The following PCDHGA3 variants were observed in gnomAD, a reference collection of about 807,000 sequenced individuals.
PCDHGA3 encodes protocadherin gamma subfamily A, 3.
A neutral mutation model predicts 58.5 loss-of-function variants in PCDHGA3; 40 were observed. That is an observed-to-expected ratio of 0.68 (90% CI 0.53 to 0.89). The LOEUF (loss-of-function observed/expected upper bound fraction) is 0.89, where lower values mean the gene tolerates loss of function less well. PCDHGA3 is among the 40% of genes least tolerant of loss of function. The pLI is 0.00. For missense variants in PCDHGA3, 1,223 were observed against 1,195.9 expected, an observed-to-expected ratio of 1.02 and a Z score of -0.33; for synonymous variants, 530 against 525.7, an observed-to-expected ratio of 1.01 and a Z score of -0.11.
intron 1 of PCDHGA3, chr5:141,418,087 C>G (rs2096220274): frequency 6.2e-7 from 1 of 1,613,894 alleles, no homozygotes; most frequent in African/African-American, 1.3e-5. Context: ...TGCACTTCAG[C>G]GTAGACGCGC....
chr5:141,372,799 A>G (rs1769080872), intron 1 of PCDHGA3: 7 of 1,596,852 alleles, frequency 4.4e-6, no homozygotes, highest in Non-Finnish European at 5.1e-6. Flanking sequence ...AATTCAGGCA[A>G]TTTGCAAAAG....
intron 1 of PCDHGA3, among the ~76,000 whole-genome samples, chr5:141,460,959 A>ATG (rs1248175237): frequency 7.9e-6 from 1 of 126,082 alleles, no homozygotes; most frequent in Non-Finnish European, 1.6e-5. Flanking sequence ...ATGTATATAT[A>ATG]TATGTGTGTG....
At chr5:141,348,149 T>C (rs1561494600) in intron 1 of PCDHGA3, among the ~76,000 whole-genome samples, 1 of 152,220 alleles carries the variant, frequency 6.6e-6, no homozygotes, top group Non-Finnish European at 1.5e-5. Flanking sequence ...ATGAGAGTTA[T>C]CCAAAATTAG....
At chr5:141,370,009 A>G (rs1310003326) in intron 1 of PCDHGA3, among the ~76,000 whole-genome samples, 1 of 152,282 alleles carries the variant, frequency 6.6e-6, no homozygotes, top group Non-Finnish European at 1.5e-5. Flanking sequence ...ATTAAAAGAA[A>G]TAACAGACTA....
intron 1 of PCDHGA3, chr5:141,360,147 C>A: frequency 6.2e-7 from 1 of 1,601,092 alleles, no homozygotes; most frequent in Non-Finnish European, 8.5e-7. Flanking sequence ...TGAAAGCGAG[C>A]TCAGGGAGGT....
intron 1 of PCDHGA3, chr5:141,370,610 G>T (rs547118708): frequency 1.9e-6 from 3 of 1,613,986 alleles, no homozygotes; most frequent in Middle Eastern, 1.6e-4. Context: ...TTGCAGAGAA[G>T]AAATTCTTTA....
chr5:141,431,146 T>G lies in PCDHGA3; in HGVS notation c.2425-63661T>G. On this transcript the variant is annotated intron_variant, in intron 1 of 3. Coordinates refer to ENST00000253812, the MANE Select transcript of PCDHGA3 (RefSeq NM_018916.4). The surrounding 1 kb of genome is among the most constrained non-coding windows in gnomAD (Gnocchi z 4.8). The stretch of plus-strand genomic sequence containing the variant: ...TAGAAGTAAGGGACATTAACGACAA[T>G]GCGCCTTACTTTCGTGAAAGTGAAT... 6.2e-7 allele frequency: 1 copy of G among 1,614,124 alleles called. No individual in the cohort carries two copies. Among genetic ancestry groups the G allele is most frequent in the African/African-American group, 1.3e-5 (1 of 75,022 alleles).
intron 1 of PCDHGA3, chr5:141,423,638 A>G (rs771989468): frequency 2.5e-6 from 4 of 1,598,292 alleles, no homozygotes; most frequent in Non-Finnish European, 3.4e-6. Context: ...ATTTTAGGCA[A>G]ATGTGACCCG....
chr5:141,393,752 AT>A, intron 1 of PCDHGA3: 1 of 1,613,942 alleles, frequency 6.2e-7, no homozygotes, highest in Non-Finnish European at 8.5e-7. Flanking sequence ...AAGAATGTTC[AT>A]TTTATGAAAT....
chr5:141,370,814 G>T, intron 1 of PCDHGA3: 1 of 1,614,024 alleles, frequency 6.2e-7, no homozygotes, highest in Non-Finnish European at 8.5e-7. Flanking sequence ...TCACTGAGCT[G>T]GAAATCAGCG....
In PCDHGA3 at chr5:141,361,092, C is replaced by G. The variant is rs377144808; in HGVS notation, c.2424+14635C>G. The G allele has an allele frequency of 5.0e-5, 81 of 1,613,938 alleles. 2 individuals carry two copies. In the African/African-American group the frequency reaches 7.2e-4, roughly 14 times the overall value. On this transcript the variant is annotated intron_variant, in intron 1 of 3. Transcript: ENST00000253812. Reference sequence around the variant, plus strand: ...TTGCAAGTAGTTACACTCTGAGTATCGAAGCAAAAGATCCTGGAGATCTAG... The same window carrying G: ...TTGCAAGTAGTTACACTCTGAGTATGGAAGCAAAAGATCCTGGAGATCTAG...
chr5:141,372,577 A>C (rs550513861), intron 1 of PCDHGA3: 1 of 1,614,006 alleles, frequency 6.2e-7, no homozygotes, highest in African/African-American at 1.3e-5. Context: ...GGCTACTTTC[A>C]GCCTGGTGTC....
intron 1 of PCDHGA3, among the ~76,000 whole-genome samples, chr5:141,406,639 A>G (rs1301755864): frequency 6.6e-6 from 1 of 152,208 alleles, no homozygotes; most frequent in Non-Finnish European, 1.5e-5. Flanking sequence ...AAAGGTCTTA[A>G]TTTCCTAATG....
chr5:141,405,339 A>T (rs980651625), intron 1 of PCDHGA3: 12 of 1,614,060 alleles, frequency 7.4e-6, no homozygotes, highest in Non-Finnish European at 1.0e-5. Context: ...GTCTCTGTTG[A>T]TTCCAAGTTT....
At chr5:141,372,197 C>A in intron 1 of PCDHGA3, 1 of 1,613,590 alleles carries the variant, frequency 6.2e-7, no homozygotes, top group Non-Finnish European at 8.5e-7. Context: ...CGGGATACAA[C>A]GCCTGGCTGT....
At position 141,476,744 on chromosome 5, in the gene PCDHGA3, CT is replaced by C; in HGVS notation, c.2425-18062del. ...CCTGGACCGAGAACGGGAGCCTAGT[CT>C]CCAGTTAGTGCTGACGGCGTTGGAC... is the stretch of plus-strand genomic sequence containing the variant. On this transcript the variant is annotated intron_variant, in intron 1 of 3. Coordinates refer to ENST00000253812, the MANE Select transcript of PCDHGA3 (RefSeq NM_018916.4). The surrounding 1 kb of genome is among the most constrained non-coding windows in gnomAD (Gnocchi z 7.6). 6.2e-7 allele frequency: 1 copy of C among 1,614,046 alleles called. No homozygotes were observed. Among genetic ancestry groups the C allele is most frequent in the East Asian group, 2.2e-5 (1 of 44,884 alleles).
At chr5:141,428,088 C>G (rs761980796) in intron 1 of PCDHGA3, 5 of 1,608,920 alleles carry the variant, frequency 3.1e-6, no homozygotes, top group Non-Finnish European at 4.2e-6. Context: ...CAACGCTTGG[C>G]TGTCCTACCA....
At position 141,344,300 on chromosome 5, in the gene PCDHGA3, G is replaced by T; in HGVS notation, c.267G>T (p.Arg89Ser). ...PQSGSLVTAE[R>S]IDREELCAQI... ...GCGGCAGCTTGGTCACCGCGGAGAG[G>T]ATAGACCGGGAGGAGCTCTGCGCTC... Residue 89 changes from arginine to serine, a missense_variant, in exon 1 of 4, where the codon AGG becomes AGT. Physicochemically the swap from Arg to Ser is moderately radical, Grantham distance 110 (BLOSUM62 -1). This residue lies in a region of PCDHGA3 where 791 missense variants were observed against 708.5 expected (regional missense o/e 1.12). Transcript: ENST00000253812. 6.2e-7 allele frequency: 1 copy of T among 1,614,098 alleles called. No homozygotes were observed. Among genetic ancestry groups the T allele is most frequent in the South Asian group, 1.1e-5 (1 of 91,086 alleles).
At position 141,383,756 on chromosome 5, in the gene PCDHGA3, C is replaced by T. The variant is rs62620755; in HGVS notation, c.2424+37299C>T. 6.8e-6 allele frequency: 11 copies of T among 1,613,838 alleles called. No homozygotes were observed. Among genetic ancestry groups the T allele is most frequent in the East Asian group, 2.2e-5 (1 of 44,890 alleles). ...ACATATTCTTTTCGGAAAATAACTC[C>T]TAAACTTCCAAAGATGTTTCATCTG... On this transcript the variant is annotated intron_variant, in intron 1 of 3. Coordinates refer to ENST00000253812, the MANE Select transcript of PCDHGA3 (RefSeq NM_018916.4).
Sources: allele counts gnomAD v4.1 joint callset (sites outside exome capture counted in the v4.1 genomes callset), GRCh38; gene constraint gnomAD v4.1.1; regional missense constraint gnomAD v4.1.1; non-coding constraint Gnocchi (gnomAD v3.1); transcripts MANE v1.5; gene names NCBI Gene and HGNC (gene_info 2026-07-23, HGNC 2026-07-21).